The following C14orf180 variants were observed in gnomAD, a reference collection of about 807,000 sequenced individuals.
C14orf180 encodes nutritionally-regulated adipose and cardiac enriched protein homolog.
In C14orf180, 13 loss-of-function variants were observed where a neutral mutation model predicts 13.9. The ratio of observed to expected loss-of-function variants is 0.94; its 90% CI spans 0.61 to 1.49. The LOEUF (loss-of-function observed/expected upper bound fraction) is 1.49, where lower values mean the gene tolerates loss of function less well. C14orf180 is among the 40% of genes most tolerant of loss of function. The probability of loss-of-function intolerance (pLI) is 0.00; values close to 1 mark genes in which losing one functional copy is unlikely to be tolerated. For missense variants in C14orf180, 238 were observed against 232.0 expected (o/e 1.03, Z -0.17); for synonymous variants, 113 against 106.3 (o/e 1.06, Z -0.39).
intron 1 of C14orf180, among the ~76,000 whole-genome samples, chr14:104,582,773 T>A (rs918754592): frequency 3.9e-5 from 6 of 152,118 alleles, no homozygotes; most frequent in African/African-American, 1.4e-4. Context: ...GGACGCGCCC[T>A]CCCCAGCAGC....
Position 104,589,594 on chromosome 14 carries a change from G to A in C14orf180, c.*811G>A, listed in dbSNP as rs1289258919. 6.6e-6 allele frequency: 1 copy of A among 152,664 alleles called. No homozygotes were observed. Among genetic ancestry groups the A allele is most frequent in the Non-Finnish European group, 1.5e-5 (1 of 68,086 alleles). 9.5% of individuals were successfully genotyped at this position (152,664 alleles called of 1,614,324 possible). On this transcript the variant is annotated 3_prime_UTR_variant, in exon 5 of 5. Transcript: ENST00000557649. The surrounding 1 kb of genome is among the most constrained non-coding windows in gnomAD (Gnocchi z 4.9). Reference sequence around the variant, plus strand: ...TTTGTCGCCGGATTGCAGAGCTGAAGGGAGCCCTGTGGATGACAAACACCA... The same window carrying A: ...TTTGTCGCCGGATTGCAGAGCTGAAAGGAGCCCTGTGGATGACAAACACCA...
At position 104,588,789 on chromosome 14, in the gene C14orf180, AGGACG is replaced by A. The variant is rs758260817; in HGVS notation, c.*9_*13del. 25 of 488,722 alleles carry A rather than the reference AGGACG, an allele frequency of 5.1e-5. No homozygotes were observed. The African/African-American group carries it at 4.8e-3, about 94-fold the overall frequency. 30.3% of individuals were successfully genotyped at this position (488,722 alleles called of 1,614,324 possible). A position where few individuals can be genotyped will look rare whatever the true frequency, so the allele number is the denominator to read the frequency against. ...GCGGCCTCCTGCGGCTCTGACGGGC[AGGACG>A]GGCAGGACGGGCAGGGCTTCCAGGA... On this transcript the variant is annotated 3_prime_UTR_variant, in exon 5 of 5. Coordinates refer to ENST00000557649, the MANE Select transcript of C14orf180 (RefSeq NM_001008404.3).
intron 2 of C14orf180, among the ~76,000 whole-genome samples, chr14:104,587,333 C>G (rs914434432): frequency 6.6e-6 from 1 of 152,196 alleles, no homozygotes; most frequent in Non-Finnish European, 1.5e-5. Context: ...CAGCCCTCCT[C>G]ACGGCCCTGG....
Position 104,589,129 on chromosome 14 carries a change from C to T in C14orf180, c.*346C>T. On this transcript the variant is annotated 3_prime_UTR_variant, in exon 5 of 5. Transcript: ENST00000557649. The surrounding 1 kb of genome is among the most constrained non-coding windows in gnomAD (Gnocchi z 4.9). ...GCAGGAACTCCTGCTGCTGCTAGGGCCTGGCCCGGCCATCACCGTGTGCAC... is the reference window on the plus strand; with the variant it reads ...GCAGGAACTCCTGCTGCTGCTAGGGTCTGGCCCGGCCATCACCGTGTGCAC... 1 of 475,470 alleles carries T rather than the reference C, an allele frequency of 2.1e-6. No individual in the cohort carries two copies. The highest frequency in any genetic ancestry group is 3.6e-6 in the Non-Finnish European group (1 of 274,282). 29.5% of individuals were successfully genotyped at this position (475,470 alleles called of 1,614,324 possible). A position where few individuals can be genotyped will look rare whatever the true frequency, so the allele number is the denominator to read the frequency against.
intron 1 of C14orf180, among the ~76,000 whole-genome samples, chr14:104,583,012 G>A (rs1886490666): frequency 6.6e-6 from 1 of 152,200 alleles, no homozygotes; most frequent in Admixed American, 6.5e-5. Flanking sequence ...AAGAAGGACA[G>A]AGCCCAGGAC....
chr14:104,587,671 G>A (rs916791278), intron 2 of C14orf180, 78 bp from the exon 3 acceptor site: 1 of 1,471,112 alleles, frequency 6.8e-7, no homozygotes, highest in African/African-American at 1.4e-5. Context: ...GGTGCTGCTG[G>A]GCCCCACATG....
At chr14:104,585,051 G>GC (rs1280762735) in intron 1 of C14orf180, among the ~76,000 whole-genome samples, 1 of 152,198 alleles carries the variant, frequency 6.6e-6, no homozygotes, top group Non-Finnish European at 1.5e-5. Context: ...GACCATGTAG[G>GC]CCCCTCACTC....
At position 104,584,333 on chromosome 14, in the gene C14orf180, C is replaced by T. The variant is rs183223506; in HGVS notation, c.-16-2082C>T. Among the ~76,000 whole-genome samples the T allele has an allele frequency of 3.8e-3, 586 of 152,320 alleles. 1 individual carries two copies. The highest frequency in any genetic ancestry group is 3.9e-3 in the South Asian group (19 of 4,828). On this transcript the variant is annotated intron_variant, in intron 1 of 4. Transcript: ENST00000557649. ...GACCCCGAATGCACAAGCCTCCTTC[C>T]GCCGGGCAGTGGGAGAGCCCGGGCT...
At position 104,583,816 on chromosome 14, in the gene C14orf180, ACT is replaced by A. The variant is rs563628845; in HGVS notation, c.-16-2597_-16-2596del. ...CATTCACCCACACATACGCAGATAC[ACT>A]CACACACACACACGGGCACATGCAT... On this transcript the variant is annotated intron_variant, in intron 1 of 4. Transcript: ENST00000557649. Among the ~76,000 whole-genome samples the A allele has an allele frequency of 3.5e-3, 525 of 152,032 alleles. 5 individuals are homozygous for A. Among genetic ancestry groups the A allele is most frequent in the African/African-American group, 9.3e-3 (384 of 41,326 alleles).
rs374439354 is a variant in C14orf180 at position 104,588,994 on chromosome 14, A to G, written c.*211A>G. 2 of 1,005,064 alleles carry G rather than the reference A, an allele frequency of 2.0e-6. No homozygotes were observed. Among genetic ancestry groups the G allele is most frequent in the Non-Finnish European group, 1.4e-6 (1 of 713,830 alleles). The allele number at this position is 1,005,064 out of a possible 1,614,324, so 62.3% of individuals were successfully genotyped here. A position where few individuals can be genotyped will look rare whatever the true frequency, so the allele number is the denominator to read the frequency against. ...GCGGCCCCGCCACACTAGTCAGCAC[A>G]GCCCTCCTGTCTCCTGTGTTGGGTC... On this transcript the variant is annotated 3_prime_UTR_variant, in exon 5 of 5. Transcript: ENST00000557649.
intron 2 of C14orf180, 108 bp downstream of exon 2, chr14:104,586,649 A>C: frequency 1.2e-5 from 2 of 163,612 alleles, no homozygotes; most frequent in Non-Finnish European, 2.1e-5. Flanking sequence ...CCCAGGAATC[A>C]GGGGGTGATA....
intron 1 of C14orf180, among the ~76,000 whole-genome samples, chr14:104,580,775 G>T (rs1886406912): frequency 6.6e-6 from 1 of 152,254 alleles, no homozygotes; most frequent in Non-Finnish European, 1.5e-5. Context: ...GCTTTGCAGT[G>T]CCCTGGACAG....
chr14:104,581,925 G>A lies in C14orf180; in HGVS notation c.-17+1922G>A, dbSNP rs576906967. On this transcript the variant is annotated intron_variant, in intron 1 of 4. Coordinates refer to ENST00000557649, the MANE Select transcript of C14orf180 (RefSeq NM_001008404.3). The stretch of plus-strand genomic sequence containing the variant: ...TGCAGTGCCAGGCGAGGGGTGAGCC[G>A]GGAGTGTGGGGCCGCACGCTCAGAG... Among the ~76,000 whole-genome samples the A allele has an allele frequency of 4.6e-3, 693 of 152,058 alleles. 9 individuals carry two copies. The highest frequency in any genetic ancestry group is 0.016 in the African/African-American group (658 of 41,378).
At chr14:104,581,026 G>T (rs920890551) in intron 1 of C14orf180, 5 of 152,372 alleles carry the variant, frequency 3.3e-5, no homozygotes, top group Admixed American at 2.6e-4. Flanking sequence ...ACCTGGTAGG[G>T]CCTGCAGGCA....
intron 2 of C14orf180, 70 bp from the exon 3 acceptor site, chr14:104,587,679 A>AT (rs1170077559): frequency 4.2e-5 from 65 of 1,544,838 alleles, no homozygotes; most frequent in Non-Finnish European, 5.7e-5. Context: ...TGGGCCCCAC[A>AT]TGGCTCAGAC....
At position 104,589,475 on chromosome 14, in the gene C14orf180, C is replaced by T. The variant is rs1886771864; in HGVS notation, c.*692C>T. On this transcript the variant is annotated 3_prime_UTR_variant, in exon 5 of 5. Coordinates refer to ENST00000557649, the MANE Select transcript of C14orf180 (RefSeq NM_001008404.3). This position sits in a 1 kb window ranked among gnomAD's most constrained non-coding sequence, Gnocchi z 4.9. ...TCAGAACAGCCATCTGTGCCCAGCT[C>T]TGCAGGCCAGGCACACCCAGCTGAG... 1 of 152,794 alleles carries T rather than the reference C, an allele frequency of 6.5e-6. No individual in the cohort carries two copies. The highest frequency in any genetic ancestry group is 2.1e-4 in the South Asian group (1 of 4,834). 9.5% of individuals were successfully genotyped at this position (152,794 alleles called of 1,614,324 possible). A position where few individuals can be genotyped will look rare whatever the true frequency, so the allele number is the denominator to read the frequency against.
rs1886725163 is a variant in C14orf180 at position 104,588,627 on chromosome 14, T to C, written c.327T>C (p.Cys109=). The C allele has an allele frequency of 6.6e-7, 1 of 1,504,114 alleles. No individual in the cohort carries two copies. Among genetic ancestry groups the C allele is most frequent in the African/African-American group, 1.4e-5 (1 of 72,256 alleles). The allele number at this position is 1,504,114 out of a possible 1,614,324, so 93.2% of individuals were successfully genotyped here. The change falls in exon 5 of 5, where the codon TGT becomes TGC. Residue 109 remains cysteine, a synonymous_variant. Coordinates refer to ENST00000557649, the MANE Select transcript of C14orf180 (RefSeq NM_001008404.3). The part of the protein sequence containing the change: ...PHGGSLLLQL[C]VCVLLVLALG... ...GCGGCTCCCTGCTCCTGCAGCTGTG[T>C]GTGTGCGTCCTGCTCGTGCTGGCCC...
rs1053082396 is a variant in C14orf180 at position 104,579,891 on chromosome 14, G to C, written c.-129G>C. 6.6e-6 allele frequency: 1 copy of C among 152,472 alleles called. No homozygotes were observed. The highest frequency in any genetic ancestry group is 1.5e-5 in the Non-Finnish European group (1 of 68,250). 9.4% of individuals were successfully genotyped at this position (152,472 alleles called of 1,614,324 possible). On this transcript the variant is annotated 5_prime_UTR_variant, in exon 1 of 5. Transcript: ENST00000557649. The stretch of plus-strand genomic sequence containing the variant: ...TTCTGCCCGAGGCTCAACTCTCAAG[G>C]GCCTGGGAGGGGTGCTGCCGGCCAA...
At chr14:104,583,930 T>TCA (rs1186517419) in intron 1 of C14orf180, among the ~76,000 whole-genome samples, 2 of 151,886 alleles carry the variant, frequency 1.3e-5, no homozygotes, top group South Asian at 2.1e-4. Context: ...ATGCACACAT[T>TCA]CACACACACA....
Sources: allele counts gnomAD v4.1 joint callset (sites outside exome capture counted in the v4.1 genomes callset), GRCh38; gene constraint gnomAD v4.1.1; non-coding constraint Gnocchi (gnomAD v3.1); transcripts MANE v1.5; gene names NCBI Gene and HGNC (gene_info 2026-07-23, HGNC 2026-07-21).